Variants in SUPV3L1 observed in about 807,000 individuals in gnomAD.
The protein encoded by SUPV3L1 is Suv3 like RNA helicase, also known as ATP-dependent RNA helicase SUPV3L1, mitochondrial.
Under a neutral mutation model 70.0 loss-of-function variants are expected in SUPV3L1, and 35 were observed. That is an observed-to-expected ratio of 0.50 (90% CI 0.38 to 0.66). The LOEUF (loss-of-function observed/expected upper bound fraction) is 0.66, where lower values mean the gene tolerates loss of function less well. SUPV3L1 is among the 30% of genes least tolerant of loss of function. The pLI, the probability that SUPV3L1 is intolerant of heterozygous loss-of-function variation, is 0.00. For missense variants in SUPV3L1, 777 were observed against 961.5 expected (o/e 0.81, Z 2.54); for synonymous variants, 364 against 341.9 (o/e 1.06, Z -0.71).
intron 1 of SUPV3L1, among the ~76,000 whole-genome samples, chr10:69,182,893 G>A (rs1589374374): frequency 2.6e-5 from 4 of 152,288 alleles, no homozygotes; most frequent in East Asian, 3.9e-4. Context: ...TTTGTCCTGC[G>A]TCACCTTGCT....
Position 69,200,370 on chromosome 10 carries a change from A to T in SUPV3L1, c.1389A>T (p.Gln463His), listed in dbSNP as rs1304576839. The change falls in exon 11 of 15, where the codon CAA becomes CAT. Residue 463 changes from glutamine to histidine, a missense_variant. Physicochemically the swap from Gln to His is conservative, Grantham distance 24 (BLOSUM62 0). Coordinates refer to ENST00000359655, the MANE Select transcript of SUPV3L1 (RefSeq NM_003171.5). ...ERELEPITTS[Q>H]ALQIAGRAGR... ...AACTAGAACCAATCACAACCTCTCA[A>T]GCCCTGCAGATTGCTGGCAGAGCTG... 6.2e-7 allele frequency: 1 copy of T among 1,614,206 alleles called. No homozygotes were observed. Among genetic ancestry groups the T allele is most frequent in the East Asian group, 2.2e-5 (1 of 44,892 alleles).
chr10:69,198,177 T>C (rs1032168992), intron 8 of SUPV3L1, among the ~76,000 whole-genome samples, 195 bp from the exon 9 acceptor site: 2 of 152,200 alleles, frequency 1.3e-5, no homozygotes, highest in Admixed American at 6.5e-5. Flanking sequence ...TCTTATTAAT[T>C]TAGAGATGCC....
At chr10:69,189,832 G>A (rs1842343059) in intron 5 of SUPV3L1, among the ~76,000 whole-genome samples, 2 of 151,968 alleles carry the variant, frequency 1.3e-5, no homozygotes, top group African/African-American at 4.8e-5. Context: ...ATTTTTAGTA[G>A]AGACGGGGTT....
At chr10:69,193,557 C>T (rs1267217727) in intron 6 of SUPV3L1, among the ~76,000 whole-genome samples, 1 of 147,904 alleles carries the variant, frequency 6.8e-6, no homozygotes, top group African/African-American at 2.5e-5. Flanking sequence ...TGGGCTCAAA[C>T]AATCCTCCTG....
Position 69,195,266 on chromosome 10 carries a change from G to A in SUPV3L1, c.931+1G>A. The A allele has an allele frequency of 6.2e-7, 1 of 1,600,926 alleles. No homozygotes were observed. Among genetic ancestry groups the A allele is most frequent in the Non-Finnish European group, 8.5e-7 (1 of 1,174,276 alleles). ...TGGGCCTGGACCAGAGCACTTCTAG[G>A]TTGGTGGTCGTAATGCTATAAAACC... On this transcript the variant is annotated splice_donor_variant, in intron 7 of 14. Transcript: ENST00000359655. LOFTEE classifies it high-confidence loss of function.
Position 69,195,269 on chromosome 10 carries a change from G to A in SUPV3L1, c.931+4G>A. 6.3e-7 allele frequency: 1 copy of A among 1,598,974 alleles called. No individual in the cohort carries two copies. The highest frequency in any genetic ancestry group is 1.8e-5 in the Admixed American group (1 of 56,594). On this transcript the variant is annotated splice_donor_region_variant and intron_variant, in intron 7 of 14. Transcript: ENST00000359655. ...GCCTGGACCAGAGCACTTCTAGGTT[G>A]GTGGTCGTAATGCTATAAAACCCGT...
At chr10:69,184,521 G>A (rs917675290) in intron 1 of SUPV3L1, among the ~76,000 whole-genome samples, 80 of 152,190 alleles carry the variant, frequency 5.3e-4, no homozygotes, top group East Asian at 5.8e-4. Flanking sequence ...GGCAACAAGA[G>A]TGAAACACTG....
At chr10:69,208,554 C>T in intron 14 of SUPV3L1, 46 bp from the exon 15 acceptor site, 1 of 1,562,536 alleles carries the variant, frequency 6.4e-7, no homozygotes, top group Non-Finnish European at 8.7e-7. Context: ...TGTCCAGTGA[C>T]TGCGATAAGA....
chr10:69,191,353 C>T (rs188938605), intron 5 of SUPV3L1, among the ~76,000 whole-genome samples: 41 of 151,826 alleles, frequency 2.7e-4, no homozygotes, highest in Non-Finnish European at 5.3e-4. Flanking sequence ...CTCAGCCTCC[C>T]GAGTAGCTGG....
Position 69,180,382 on chromosome 10 carries a change from C to T in SUPV3L1, c.91C>T (p.His31Tyr). 1 of 1,614,266 alleles carries T rather than the reference C, an allele frequency of 6.2e-7. No individual in the cohort carries two copies. Among genetic ancestry groups the T allele is most frequent in the Non-Finnish European group, 8.5e-7 (1 of 1,180,046 alleles). Residue 31 changes from histidine (H) to tyrosine (Y), a missense_variant, in exon 1 of 15, where the codon CAC becomes TAC. His to Tyr is a moderately conservative substitution (Grantham distance 83, BLOSUM62 2). Transcript: ENST00000359655. The part of the protein sequence containing the change: ...RAAICSALRP[H>Y]FGPFPGVLGQ... ...AGCCATCTGCTCTGCCCTTCGTCCC[C>T]ACTTTGGGCCCTTTCCCGGGGTTCT... is the stretch of plus-strand genomic sequence containing the variant.
chr10:69,183,320 T>G (rs892226243), intron 1 of SUPV3L1, among the ~76,000 whole-genome samples: 59 of 152,206 alleles, frequency 3.9e-4, no homozygotes, highest in African/African-American at 1.4e-3. Context: ...TATAGCCCCT[T>G]ATGTGTCTCC....
chr10:69,196,223 G>A (rs60071427), intron 7 of SUPV3L1, among the ~76,000 whole-genome samples: 2 of 152,078 alleles, frequency 1.3e-5, no homozygotes, highest in African/African-American at 4.8e-5. Flanking sequence ...TGGGTGCGGT[G>A]GCTCACGCCT....
At chr10:69,198,295 C>A in intron 8 of SUPV3L1, 77 bp from the exon 9 acceptor site, 1 of 1,367,756 alleles carries the variant, frequency 7.3e-7, no homozygotes, top group Non-Finnish European at 1.0e-6. Flanking sequence ...AACTGCATTA[C>A]AATCTTTTCA....
Position 69,197,089 on chromosome 10 carries a change from C to G in SUPV3L1, c.1023+6C>G. 1 of 1,612,902 alleles carries G rather than the reference C, an allele frequency of 6.2e-7. No individual in the cohort carries two copies. The highest frequency in any genetic ancestry group is 8.5e-7 in the Non-Finnish European group (1 of 1,179,038). ...CAACGGGGGAGGAAGTGGAGGTATT[C>G]GATTAGATGCTTTGTTCTCCAGGTG... On this transcript the variant is annotated splice_donor_region_variant and intron_variant, in intron 8 of 14. Transcript: ENST00000359655.
chr10:69,188,867 C>CT (rs1195626716), intron 4 of SUPV3L1, among the ~76,000 whole-genome samples: 5 of 151,862 alleles, frequency 3.3e-5, no homozygotes, highest in Non-Finnish European at 5.9e-5. Context: ...GTAGAAGACT[C>CT]TGTTATTATA....
At chr10:69,185,582 A>G (rs567228259) in intron 1 of SUPV3L1, among the ~76,000 whole-genome samples, 20 of 151,604 alleles carry the variant, frequency 1.3e-4, no homozygotes, top group Admixed American at 7.2e-4. Flanking sequence ...GCTCACTGCA[A>G]GCTCCGCCTC....
At chr10:69,180,729 G>A (rs2132258366) in intron 1 of SUPV3L1, among the ~76,000 whole-genome samples, 167 bp downstream of exon 1, 1 of 152,310 alleles carries the variant, frequency 6.6e-6, no homozygotes, top group Middle Eastern at 3.4e-3. Flanking sequence ...CCCTCAAACG[G>A]CTTAGGACTG....
At chr10:69,191,789 A>G (rs748678794) in intron 6 of SUPV3L1, 23 bp downstream of exon 6, 1 of 1,566,308 alleles carries the variant, frequency 6.4e-7, no homozygotes, top group Non-Finnish European at 8.7e-7. Context: ...TGTTTAAGAA[A>G]CTATGGTTTG....
chr10:69,199,060 A>G, intron 9 of SUPV3L1, 44 bp from the exon 10 acceptor site: 2 of 1,486,778 alleles, frequency 1.3e-6, no homozygotes, highest in South Asian at 2.4e-5. Context: ...TGATGTAATA[A>G]AAGACTGAGA....
Sources: allele counts gnomAD v4.1 joint callset (sites outside exome capture counted in the v4.1 genomes callset), GRCh38; gene constraint gnomAD v4.1.1; transcripts MANE v1.5; gene names NCBI Gene and HGNC (gene_info 2026-07-23, HGNC 2026-07-21).